EEA1: variants seen among roughly 807,000 people sequenced by gnomAD.
EEA1 encodes early endosome antigen 1.
EEA1 carries 111 observed loss-of-function variants against 209.2 expected under a neutral mutation model. The observed-to-expected ratio is 0.53, with a 90% CI of 0.45 to 0.62. The LOEUF is 0.62. Among genes scored for constraint, EEA1 ranks in the 20% least tolerant of loss-of-function variants. EEA1 has a pLI of 0.00. For synonymous variants in EEA1, 536 were observed against 540.6 expected (o/e 0.99, Z 0.12); for missense variants, 1,343 against 1,530.8 (o/e 0.88, Z 2.05).
chr12:92,823,461 C>A (rs573791784), intron 13 of EEA1, among the ~76,000 whole-genome samples: 2 of 152,244 alleles, frequency 1.3e-5, no homozygotes, highest in East Asian at 3.9e-4. Context: ...TCTTTGCACC[C>A]CAGAAATATC....
At chr12:92,805,325 A>G (rs373886310) in intron 18 of EEA1, among the ~76,000 whole-genome samples, 1 of 152,168 alleles carries the variant, frequency 6.6e-6, no homozygotes, top group Admixed American at 6.5e-5. Context: ...AATTTACTAG[A>G]TATGAAAATG....
chr12:92,847,276 T>G (rs886508750), intron 9 of EEA1, among the ~76,000 whole-genome samples: 2 of 152,132 alleles, frequency 1.3e-5, no homozygotes, highest in Non-Finnish European at 2.9e-5. Flanking sequence ...ATTTTTAGCT[T>G]CTTTAATTCC....
intron 10 of EEA1, among the ~76,000 whole-genome samples, chr12:92,836,844 C>T (rs889034447): frequency 2.4e-4 from 37 of 152,042 alleles, no homozygotes; most frequent in African/African-American, 8.0e-4. Context: ...AACAACCAGC[C>T]GGGTGCAGTG....
At chr12:92,846,708 G>A (rs1877399390) in intron 9 of EEA1, among the ~76,000 whole-genome samples, 2 of 152,032 alleles carry the variant, frequency 1.3e-5, no homozygotes, top group Admixed American at 1.3e-4. Flanking sequence ...TTTAGAATGA[G>A]ATATTTTCTA....
chr12:92,778,991 C>T, intron 25 of EEA1, 124 bp downstream of exon 25: 1 of 786,028 alleles, frequency 1.3e-6, no homozygotes, highest in Admixed American at 3.0e-5. Context: ...AGATCTCCTT[C>T]CTTAATCAAA....
At chr12:92,886,852 GC>G (rs1262817566) in intron 2 of EEA1, among the ~76,000 whole-genome samples, 2 of 151,876 alleles carry the variant, frequency 1.3e-5, no homozygotes, top group Non-Finnish European at 2.9e-5. Context: ...CAAAAAATTA[GC>G]CGGGTGTGGT....
At chr12:92,833,678 G>A (rs907426484) in intron 10 of EEA1, among the ~76,000 whole-genome samples, 1 of 152,146 alleles carries the variant, frequency 6.6e-6, no homozygotes, top group Non-Finnish European at 1.5e-5. Flanking sequence ...GACCTTTAGT[G>A]TACAAACTTA....
intron 1 of EEA1, among the ~76,000 whole-genome samples, chr12:92,901,681 C>T (rs927580557): frequency 6.6e-6 from 1 of 151,832 alleles, no homozygotes; most frequent in African/African-American, 2.4e-5. Flanking sequence ...GATTCTCCTG[C>T]CTCAGCCTCC....
At chr12:92,808,494 T>C (rs967650829) in intron 18 of EEA1, among the ~76,000 whole-genome samples, 2 of 149,522 alleles carry the variant, frequency 1.3e-5, no homozygotes, top group East Asian at 1.9e-4. Flanking sequence ...TTTTTTTTTT[T>C]CTTTTTGAGA....
At chr12:92,848,806 C>T (rs1877491242) in intron 9 of EEA1, among the ~76,000 whole-genome samples, 2 of 136,382 alleles carry the variant, frequency 1.5e-5, no homozygotes, top group South Asian at 4.8e-4. Context: ...GATCATGGCT[C>T]ACTGCAGCCT....
intron 17 of EEA1, among the ~76,000 whole-genome samples, chr12:92,810,745 A>G (rs993474238): frequency 6.6e-6 from 1 of 152,038 alleles, no homozygotes; most frequent in African/African-American, 2.4e-5. Flanking sequence ...AATCCTTCTG[A>G]GATGTCTAAT....
At chr12:92,797,454 A>C (rs1874705746) in intron 21 of EEA1, among the ~76,000 whole-genome samples, 1 of 152,102 alleles carries the variant, frequency 6.6e-6, no homozygotes, top group Non-Finnish European at 1.5e-5. Context: ...AAATATTTTC[A>C]ACTCCAACTG....
In EEA1 at chr12:92,802,418, C is replaced by T. The variant is rs145270378; in HGVS notation, c.2656G>A (p.Ala886Thr). Reference protein sequence around the residue: ...FEKENQKGKAAILDLEKTCKE... With the variant: ...FEKENQKGKATILDLEKTCKE... ...AAACTACTAACCAAGTCTAATATAG[C>T]GGCTTTTCCTTTCTGATTCTCCTTT... The change falls in exon 19 of 29, where the codon GCT (alanine) becomes ACT (threonine). Residue 886 changes from alanine (A) to threonine (T), a missense_variant. Coordinates refer to ENST00000322349, the MANE Select transcript of EEA1 (RefSeq NM_003566.4). 2,528 of 1,572,294 alleles carry T rather than the reference C, an allele frequency of 1.6e-3. 4 individuals carry two copies. Among genetic ancestry groups the T allele is most frequent in the Non-Finnish European group, 1.9e-3 (2,227 of 1,169,536 alleles).
At chr12:92,858,062 C>T (rs766791144) in intron 3 of EEA1, 13 of 423,424 alleles carry the variant, frequency 3.1e-5, no homozygotes, top group Non-Finnish European at 5.7e-5. Flanking sequence ...CACTTCCACT[C>T]ACTGCCACCA....
intron 15 of EEA1, among the ~76,000 whole-genome samples, chr12:92,814,017 A>G (rs372220624): frequency 4.2e-4 from 64 of 152,262 alleles, no homozygotes; most frequent in African/African-American, 1.3e-3. Context: ...GTCTCAGAAA[A>G]AAAGAAAGAA....
intron 1 of EEA1, among the ~76,000 whole-genome samples, chr12:92,922,219 T>A (rs1172527057): frequency 6.6e-6 from 1 of 152,180 alleles, no homozygotes; most frequent in Non-Finnish European, 1.5e-5. Context: ...AGACCTCTAG[T>A]TCACATTTAT....
intron 1 of EEA1, among the ~76,000 whole-genome samples, chr12:92,893,709 C>G (rs1485185906): frequency 6.6e-6 from 1 of 151,846 alleles, no homozygotes; most frequent in Admixed American, 6.6e-5. Flanking sequence ...TGTAGCAAGA[C>G]AGGAATCTTC....
chr12:92,870,167 T>C (rs923378153), intron 2 of EEA1, among the ~76,000 whole-genome samples: 2 of 152,172 alleles, frequency 1.3e-5, no homozygotes, highest in Non-Finnish European at 2.9e-5. Context: ...TGCCAAAATA[T>C]CTGCCACATA....
intron 8 of EEA1, among the ~76,000 whole-genome samples, chr12:92,851,670 T>C (rs1051189687): frequency 6.6e-6 from 1 of 152,186 alleles, no homozygotes; most frequent in African/African-American, 2.4e-5. Flanking sequence ...AGTTAATTTA[T>C]ATATTTATTG....
Sources: allele counts gnomAD v4.1 joint callset (sites outside exome capture counted in the v4.1 genomes callset), GRCh38; gene constraint gnomAD v4.1.1; transcripts MANE v1.5; gene names NCBI Gene and HGNC (gene_info 2026-07-23, HGNC 2026-07-21).